Variants in XXYLT1 observed in about 807,000 individuals in gnomAD.
XXYLT1 encodes the protein UDP-xylose:alpha-xyloside alpha-1,3-xylosyltransferase.
XXYLT1 carries 20 observed loss-of-function variants against 28.9 expected under a neutral mutation model. The ratio of observed to expected loss-of-function variants is 0.69; its 90% CI spans 0.49 to 1.00. The LOEUF is 1.00. Ranked by LOEUF, XXYLT1 falls within the 50% of genes least tolerant of loss-of-function variation. XXYLT1 has a pLI of 0.00. For missense variants in XXYLT1, 542 were observed against 560.1 expected, an observed-to-expected ratio of 0.97 and a Z score of 0.33; for synonymous variants, 257 against 253.8, an observed-to-expected ratio of 1.01 and a Z score of -0.12.
At chr3:195,120,355 A>G (rs1472408668) in intron 3 of XXYLT1, among the ~76,000 whole-genome samples, 1 of 147,928 alleles carries the variant, frequency 6.8e-6, no homozygotes, top group Non-Finnish European at 1.5e-5. Context: ...TGGGCATGGA[A>G]TCCTGGCTCC....
At chr3:195,134,826 G>GGTGTGTGTGTGTGTGTGT (rs3073321) in intron 3 of XXYLT1, among the ~76,000 whole-genome samples, 1 of 145,482 alleles carries the variant, frequency 6.9e-6, no homozygotes, top group Non-Finnish European at 1.5e-5. Flanking sequence ...CGTGAAGAGG[G>GGTGTGTGTGTGTGTGTGT]GTGTGTGTGT....
rs1477721531 is a variant in XXYLT1, at chr3:195,168,387, C to G, written c.653-11806G>C. ...AGCTAAGCAAGCCACAAAATCCCTA[C>G]TATGTGCCAAGCACTATGCTAAATG... On this transcript the variant is annotated intron_variant, in intron 2 of 3. Coordinates refer to ENST00000310380, the MANE Select transcript of XXYLT1 (RefSeq NM_152531.5). This position sits in a 1 kb window ranked among gnomAD's most constrained non-coding sequence, Gnocchi z 4.3. Among the ~76,000 whole-genome samples, 1 of 152,216 alleles carries G rather than the reference C, an allele frequency of 6.6e-6. No individual in the cohort carries two copies.
At chr3:195,191,551 T>A (rs775782958) in intron 2 of XXYLT1, among the ~76,000 whole-genome samples, 11 of 152,164 alleles carry the variant, frequency 7.2e-5, no homozygotes, top group Non-Finnish European at 1.3e-4. Flanking sequence ...TTGGGGGAAG[T>A]CCAAAGTTAT....
At chr3:195,228,645 C>G (rs1398679426) in intron 1 of XXYLT1, among the ~76,000 whole-genome samples, 1 of 151,502 alleles carries the variant, frequency 6.6e-6, no homozygotes, top group South Asian at 2.1e-4. Flanking sequence ...CCCGCCACCA[C>G]CCCCAGCTAA....
intron 3 of XXYLT1, among the ~76,000 whole-genome samples, chr3:195,106,507 C>T (rs946269138): frequency 6.6e-6 from 1 of 152,268 alleles, no homozygotes; most frequent in Non-Finnish European, 1.5e-5. Flanking sequence ...TCGCTGGAAC[C>T]TTCCAGGGCT....
intron 1 of XXYLT1, chr3:195,259,783 G>C (rs914691795): frequency 3.5e-6 from 2 of 565,296 alleles, no homozygotes; most frequent in African/African-American, 4.1e-5. Context: ...GGATACCGAG[G>C]GGCCACCCCC....
intron 2 of XXYLT1, among the ~76,000 whole-genome samples, chr3:195,158,484 A>C (rs1288665554): frequency 6.6e-6 from 1 of 152,258 alleles, no homozygotes. Context: ...GAGTAAACCC[A>C]GAAAGGTCCT....
At position 195,176,627 on chromosome 3, in the gene XXYLT1, T is replaced by TA. The variant is rs1347106888; in HGVS notation, c.653-20047dup. ...TTCTCCAGTTCCTCATGTTTGGAGATACATTGATGTTGATGAGGCTGGAGA... is the reference window on the plus strand; with the variant it reads ...TTCTCCAGTTCCTCATGTTTGGAGATAACATTGATGTTGATGAGGCTGGAGA... On this transcript the variant is annotated intron_variant, in intron 2 of 3. Coordinates refer to ENST00000310380, the MANE Select transcript of XXYLT1 (RefSeq NM_152531.5). This position sits in a 1 kb window ranked among gnomAD's most constrained non-coding sequence, Gnocchi z 4.9. 1.4e-4 allele frequency among the ~76,000 whole-genome samples: 21 copies of TA among 152,332 alleles called. No individual in the cohort carries two copies. The highest frequency in any genetic ancestry group is 5.1e-4 in the African/African-American group (21 of 41,582).
At chr3:195,184,918 C>T (rs1165872821) in intron 2 of XXYLT1, 10 of 749,526 alleles carry the variant, frequency 1.3e-5, no homozygotes, top group Non-Finnish European at 1.6e-5. Flanking sequence ...CTTTCAGTTT[C>T]GTTTGATCAA....
chr3:195,162,163 C>A lies in XXYLT1; in HGVS notation c.653-5582G>T, dbSNP rs190901922. On this transcript the variant is annotated intron_variant, in intron 2 of 3. Coordinates refer to ENST00000310380, the MANE Select transcript of XXYLT1 (RefSeq NM_152531.5). ...CGAGAAGTATAATAATCCAAGATCACGCAGCTGGTCAGTGGTAGGGCTCGA... is the reference window on the plus strand; with the variant it reads ...CGAGAAGTATAATAATCCAAGATCAAGCAGCTGGTCAGTGGTAGGGCTCGA... 2.6e-3 allele frequency among the ~76,000 whole-genome samples: 398 copies of A among 152,108 alleles called. 2 individuals are homozygous for A. Among genetic ancestry groups the A allele is most frequent in the Non-Finnish European group, 1.8e-3 (120 of 67,988 alleles).
chr3:195,228,486 CTTTTTTTTTT>C (rs897820464), intron 1 of XXYLT1, among the ~76,000 whole-genome samples: 1 of 120,162 alleles, frequency 8.3e-6, no homozygotes, highest in African/African-American at 3.4e-5. Flanking sequence ...CTATATTTCA[CTTTTTTTTTT>C]TTTTTTTTTT....
rs796792123 is a variant in XXYLT1 at position 195,195,429 on chromosome 3, C to T, written c.652+31280G>A. On this transcript the variant is annotated intron_variant, in intron 2 of 3. Coordinates refer to ENST00000310380, the MANE Select transcript of XXYLT1 (RefSeq NM_152531.5). The surrounding 1 kb of genome is among the most constrained non-coding windows in gnomAD (Gnocchi z 4.4). ...GATTCCTTCCTCAGAGTCGCTCAGG[C>T]GCCTAAGACTGTTCCAGTCAGAAGT... Among the ~76,000 whole-genome samples the T allele has an allele frequency of 6.6e-6, 1 of 152,156 alleles. No homozygotes were observed. The highest frequency in any genetic ancestry group is 2.1e-4 in the South Asian group (1 of 4,830).
At chr3:195,110,461 T>TGTATGTGTGC (rs1560101104) in intron 3 of XXYLT1, among the ~76,000 whole-genome samples, 2,910 of 144,618 alleles carry the variant, frequency 0.02, 64 homozygotes, top group East Asian at 0.066. Flanking sequence ...GTGTGTGTGG[T>TGTATGTGTGC]GTGTGGGTGA....
At chr3:195,230,738 C>T (rs1206837713) in intron 1 of XXYLT1, among the ~76,000 whole-genome samples, 2 of 152,038 alleles carry the variant, frequency 1.3e-5, no homozygotes, top group Admixed American at 6.6e-5. Flanking sequence ...CATTGGTCTA[C>T]GTGTCTGTTT....
intron 3 of XXYLT1, among the ~76,000 whole-genome samples, chr3:195,122,681 GAGAA>G (rs1718426125): frequency 6.6e-6 from 1 of 152,254 alleles, no homozygotes; most frequent in Non-Finnish European, 1.5e-5. Flanking sequence ...AGGAAGCTGA[GAGAA>G]AGAAGGAAGT....
At chr3:195,105,496 C>A (rs866727324) in intron 3 of XXYLT1, among the ~76,000 whole-genome samples, 28 of 152,320 alleles carry the variant, frequency 1.8e-4, no homozygotes, top group Middle Eastern at 3.4e-3. Flanking sequence ...CACGTGAAGT[C>A]CACAGCAGGA....
chr3:195,151,653 TATAAACA>T (rs1225270646), intron 3 of XXYLT1, among the ~76,000 whole-genome samples: 1 of 152,138 alleles, frequency 6.6e-6, no homozygotes, highest in African/African-American at 2.4e-5. Context: ...AACGATTATT[TATAAACA>T]ATAAACAATA....
chr3:195,151,757 C>A (rs939156641), intron 3 of XXYLT1, among the ~76,000 whole-genome samples: 1 of 151,744 alleles, frequency 6.6e-6, no homozygotes, highest in African/African-American at 2.4e-5. Context: ...TGTGAAGTTC[C>A]ATTTAATTGG....
chr3:195,079,332 A>C lies in XXYLT1; in HGVS notation c.786-9221T>G, dbSNP rs74824825. Reference sequence around the variant, plus strand: ...TAGAGGCAAACAGAGGACAGAGGGGAGGATATTTTCCAAAGAGGGAGAGCT... The same window carrying C: ...TAGAGGCAAACAGAGGACAGAGGGGCGGATATTTTCCAAAGAGGGAGAGCT... On this transcript the variant is annotated intron_variant, in intron 3 of 3. Coordinates refer to ENST00000310380, the MANE Select transcript of XXYLT1 (RefSeq NM_152531.5). Among the ~76,000 whole-genome samples, 1,232 of 152,136 alleles carry C rather than the reference A, an allele frequency of 8.1e-3. 18 individuals carry two copies. The highest frequency in any genetic ancestry group is 0.028 in the African/African-American group (1,166 of 41,500).
Sources: gnomAD v4.1 joint callset for allele counts (sites outside exome capture counted in the v4.1 genomes callset) on GRCh38, gnomAD v4.1.1 for gene constraint, Gnocchi (gnomAD v3.1) non-coding constraint, MANE v1.5 for transcripts, NCBI Gene and HGNC (gene_info 2026-07-23, HGNC 2026-07-21) for gene names.